Variants in PARD6G observed in about 807,000 individuals in gnomAD.
PARD6G encodes partitioning defective 6 homolog gamma.
A neutral mutation model predicts 10.7 loss-of-function variants in PARD6G; 7 were observed. That is an observed-to-expected ratio of 0.66 (90% confidence interval 0.37 to 1.23). PARD6G has a LOEUF of 1.23. Among genes scored for constraint, PARD6G ranks in the 50% most tolerant of loss-of-function variants. PARD6G has a pLI of 0.02. For synonymous variants in PARD6G, 287 were observed against 269.4 expected (o/e 1.07, Z -0.64); for missense variants, 548 against 571.8 (o/e 0.96, Z 0.42).
At chr18:80,209,993 T>A (rs1054237456) in intron 1 of PARD6G, among the ~76,000 whole-genome samples, 1 of 152,184 alleles carries the variant, frequency 6.6e-6, no homozygotes, top group Admixed American at 6.5e-5. Context: ...CTTCTTATCA[T>A]AATTTTGACC....
At position 80,192,889 on chromosome 18, in the gene PARD6G, AG is replaced by A. The variant is rs1330280354; in HGVS notation, c.295+9820del. 1.3e-5 allele frequency among the ~76,000 whole-genome samples: 2 copies of A among 152,028 alleles called. No homozygotes were observed. The highest frequency in any genetic ancestry group is 2.9e-5 in the Non-Finnish European group (2 of 68,000). The stretch of plus-strand genomic sequence containing the variant: ...TGGAGGGCGGAGGAGAGGTGTCTGC[AG>A]GGGAGCTGCTTGGCAGCAACTTCTG... On this transcript the variant is annotated intron_variant, in intron 2 of 2. Transcript: ENST00000353265. This position sits in a 1 kb window ranked among gnomAD's most constrained non-coding sequence, Gnocchi z 4.9.
chr18:80,229,227 C>A (rs1483386214), intron 1 of PARD6G, among the ~76,000 whole-genome samples: 1 of 152,182 alleles, frequency 6.6e-6, no homozygotes, highest in Non-Finnish European at 1.5e-5. Context: ...TGTGAGCCAC[C>A]ACAATTGGCC....
chr18:80,177,292 A>G lies in PARD6G; in HGVS notation c.296-16686T>C, dbSNP rs1241645117. Among the ~76,000 whole-genome samples the G allele has an allele frequency of 3.4e-5, 5 of 148,600 alleles. 1 individual carries two copies. Among genetic ancestry groups the G allele is most frequent in the African/African-American group, 5.0e-5 (2 of 39,900 alleles). On this transcript the variant is annotated intron_variant, in intron 2 of 2. Coordinates refer to ENST00000353265, the MANE Select transcript of PARD6G (RefSeq NM_032510.4). Reference sequence around the variant, plus strand: ...GGGAAGCACACACACGCACACACGCACACACACACGGGATAAATCACAGCC... The same window carrying G: ...GGGAAGCACACACACGCACACACGCGCACACACACGGGATAAATCACAGCC...
At position 80,201,198 on chromosome 18, in the gene PARD6G, AC is replaced by A. The variant is rs1967004197; in HGVS notation, c.295+1511del. 1.3e-5 allele frequency among the ~76,000 whole-genome samples: 2 copies of A among 152,260 alleles called. No homozygotes were observed. Among genetic ancestry groups the A allele is most frequent in the East Asian group, 3.9e-4 (2 of 5,176 alleles). On this transcript the variant is annotated intron_variant, in intron 2 of 2. Coordinates refer to ENST00000353265, the MANE Select transcript of PARD6G (RefSeq NM_032510.4). This position sits in a 1 kb window ranked among gnomAD's most constrained non-coding sequence, Gnocchi z 5.9. ...CAGAGGACGACAGGCAGAGGGGAAC[AC>A]GGGCTCATCAGATCAAGCAGCTGAG...
chr18:80,189,216 G>A lies in PARD6G; in HGVS notation c.295+13494C>T, dbSNP rs75588268. On this transcript the variant is annotated intron_variant, in intron 2 of 2. Coordinates refer to ENST00000353265, the MANE Select transcript of PARD6G (RefSeq NM_032510.4). The surrounding 1 kb of genome is among the most constrained non-coding windows in gnomAD (Gnocchi z 5.5). ...CAGACCTCCTTCAGCAATTCCCATG[G>A]CCAGCATTCAAGGCCAAATTTTGCC... The A allele has an allele frequency of 7.3e-3, 1,118 of 152,370 alleles. 69 individuals are homozygous for A. In the East Asian group the frequency reaches 0.14, roughly 20 times the overall value. The allele number at this position is 152,370 out of a possible 1,614,324, so 9.4% of individuals were successfully genotyped here. A position where few individuals can be genotyped will look rare whatever the true frequency, so the allele number is the denominator to read the frequency against.
Position 80,184,284 on chromosome 18 carries a change from C to G in PARD6G, c.295+18426G>C, listed in dbSNP as rs1022877167. 5.2e-5 allele frequency: 8 copies of G among 152,410 alleles called. No individual in the cohort carries two copies. The highest frequency in any genetic ancestry group is 1.7e-4 in the African/African-American group (7 of 41,588). The allele number at this position is 152,410 out of a possible 1,614,324, so 9.4% of individuals were successfully genotyped here. On this transcript the variant is annotated intron_variant, in intron 2 of 2. Coordinates refer to ENST00000353265, the MANE Select transcript of PARD6G (RefSeq NM_032510.4). This position sits in a 1 kb window ranked among gnomAD's most constrained non-coding sequence, Gnocchi z 4.5. Reference sequence around the variant, plus strand: ...ACTCTATGTTGACGCCTCTGAGGAACTGCCGGGCTGCAGTGAATCCAGGTG... The same window carrying G: ...ACTCTATGTTGACGCCTCTGAGGAAGTGCCGGGCTGCAGTGAATCCAGGTG...
Position 80,181,354 on chromosome 18 carries a change from C to A in PARD6G, c.296-20748G>T, listed in dbSNP as rs546527705. 5.8e-4 allele frequency among the ~76,000 whole-genome samples: 88 copies of A among 152,304 alleles called. No homozygotes were observed. The highest frequency in any genetic ancestry group is 1.9e-3 in the African/African-American group (77 of 41,562). ...CGGAAGCTGTGGTCCCGATGCCACA[C>A]ACGCCAAGGCAGGCATCACGCTCTG... On this transcript the variant is annotated intron_variant, in intron 2 of 2. Coordinates refer to ENST00000353265, the MANE Select transcript of PARD6G (RefSeq NM_032510.4). The surrounding 1 kb of genome is among the most constrained non-coding windows in gnomAD (Gnocchi z 7.9).
chr18:80,232,787 G>A (rs552221981), intron 1 of PARD6G, among the ~76,000 whole-genome samples: 2 of 152,336 alleles, frequency 1.3e-5, no homozygotes, highest in African/African-American at 4.8e-5. Flanking sequence ...GGCAGGATCA[G>A]AGGCTCAGGC....
At chr18:80,185,958 A>AT (rs1468571334) in intron 2 of PARD6G, among the ~76,000 whole-genome samples, 22 of 131,764 alleles carry the variant, frequency 1.7e-4, no homozygotes, top group Admixed American at 3.1e-4. Flanking sequence ...GCACGCATGC[A>AT]CCCACACATG....
chr18:80,240,808 C>T (rs1967482034), intron 1 of PARD6G, among the ~76,000 whole-genome samples: 2 of 152,154 alleles, frequency 1.3e-5, no homozygotes, highest in Admixed American at 1.3e-4. Context: ...GGCTGTGGAT[C>T]TGGTGATAGC....
At position 80,166,650 on chromosome 18, in the gene PARD6G, C is replaced by T. The variant is rs567251384; in HGVS notation, c.296-6044G>A. Among the ~76,000 whole-genome samples, 195 of 151,352 alleles carry T rather than the reference C, an allele frequency of 1.3e-3. 1 individual carries two copies. Among genetic ancestry groups the T allele is most frequent in the African/African-American group, 4.6e-3 (187 of 41,098 alleles). On this transcript the variant is annotated intron_variant, in intron 2 of 2. Transcript: ENST00000353265. Reference sequence around the variant, plus strand: ...GAGCGTCAGACAAGCAGGGGAGGTACGTGCCCCTTTCATCCTGTCCTGGCT... The same window carrying T: ...GAGCGTCAGACAAGCAGGGGAGGTATGTGCCCCTTTCATCCTGTCCTGGCT...
intron 2 of PARD6G, among the ~76,000 whole-genome samples, chr18:80,173,686 G>T (rs939613729): frequency 6.6e-6 from 1 of 152,072 alleles, no homozygotes; most frequent in East Asian, 1.9e-4. Flanking sequence ...GGCAAACACT[G>T]ATGCTTTTTT....
At chr18:80,226,187 T>A (rs1407396737) in intron 1 of PARD6G, among the ~76,000 whole-genome samples, 7 of 56,602 alleles carry the variant, frequency 1.2e-4, no homozygotes, top group Admixed American at 4.9e-4. Context: ...TTTTTTTTTT[T>A]AGACGGAGTT....
intron 2 of PARD6G, among the ~76,000 whole-genome samples, chr18:80,179,968 C>T (rs931666965): frequency 5.3e-5 from 8 of 152,242 alleles, no homozygotes; most frequent in Non-Finnish European, 1.0e-4. Flanking sequence ...CACCCAGCTG[C>T]CAAGAGCTGT....
chr18:80,180,334 C>A lies in PARD6G; in HGVS notation c.296-19728G>T, dbSNP rs906562980. Among the ~76,000 whole-genome samples, 2 of 152,168 alleles carry A rather than the reference C, an allele frequency of 1.3e-5. No individual in the cohort carries two copies. The highest frequency in any genetic ancestry group is 2.9e-5 in the Non-Finnish European group (2 of 68,022). On this transcript the variant is annotated intron_variant, in intron 2 of 2. Coordinates refer to ENST00000353265, the MANE Select transcript of PARD6G (RefSeq NM_032510.4). This position sits in a 1 kb window ranked among gnomAD's most constrained non-coding sequence, Gnocchi z 5.6. ...AGGGCGTGGGCAGCGACAGCTGGGG[C>A]CGGCAGGTGAGGACACGCAGCTGGG...
intron 1 of PARD6G, among the ~76,000 whole-genome samples, chr18:80,208,564 G>A (rs1325081691): frequency 3.3e-5 from 5 of 151,976 alleles, no homozygotes; most frequent in Non-Finnish European, 5.9e-5. Context: ...ATCCTATCCC[G>A]GGAGGTCATC....
chr18:80,169,986 C>G (rs1331818850), intron 2 of PARD6G: 2 of 152,252 alleles, frequency 1.3e-5, no homozygotes, highest in Non-Finnish European at 2.9e-5. Flanking sequence ...TCAGGACACA[C>G]CACGTCGGAG....
intron 1 of PARD6G, among the ~76,000 whole-genome samples, chr18:80,237,866 T>C (rs1194446769): frequency 6.6e-6 from 1 of 152,142 alleles, no homozygotes; most frequent in African/African-American, 2.4e-5. Context: ...GGAGAGGATA[T>C]GGAGAAATAG....
In PARD6G at chr18:80,216,789, C is replaced by CA. The variant is rs1967172029; in HGVS notation, c.73-13858dup. Among the ~76,000 whole-genome samples the CA allele has an allele frequency of 1.3e-5, 2 of 151,818 alleles. 1 individual carries two copies. On this transcript the variant is annotated intron_variant, in intron 1 of 2. Coordinates refer to ENST00000353265, the MANE Select transcript of PARD6G (RefSeq NM_032510.4). ...TTAGGGTGGAAATAAACGGAAGACT[C>CA]AAAAAACAGAGAAAGTGACAAAATC...
Sources: gnomAD v4.1 joint callset for allele counts (sites outside exome capture counted in the v4.1 genomes callset) on GRCh38, gnomAD v4.1.1 for gene constraint, Gnocchi (gnomAD v3.1) non-coding constraint, MANE v1.5 for transcripts, NCBI Gene and HGNC (gene_info 2026-07-23, HGNC 2026-07-21) for gene names.